Variants in YME1L1 observed in about 807,000 individuals in gnomAD.
YME1L1 encodes the protein YME1 like 1 ATPase, also known as ATP-dependent zinc metalloprotease YME1L1.
YME1L1 carries 39 observed loss-of-function variants against 90.4 expected under a neutral mutation model. The observed-to-expected ratio is 0.43, with a 90% CI of 0.33 to 0.56. The LOEUF is 0.56. Ranked by LOEUF, YME1L1 falls within the 20% of genes least tolerant of loss-of-function variation. YME1L1 has a pLI of 0.03. For missense variants in YME1L1, 617 were observed against 868.4 expected, an observed-to-expected ratio of 0.71 and a Z score of 3.64; for synonymous variants, 284 against 287.3, an observed-to-expected ratio of 0.99 and a Z score of 0.12.
chr10:27,150,672 G>A (rs2057202358), intron 1 of YME1L1, among the ~76,000 whole-genome samples: 2 of 152,148 alleles, frequency 1.3e-5, no homozygotes, highest in African/African-American at 4.8e-5. Context: ...GACCATGACA[G>A]TTTAAAAATG....
chr10:27,145,108 T>C (rs1380656658), intron 3 of YME1L1, among the ~76,000 whole-genome samples: 1 of 152,136 alleles, frequency 6.6e-6, no homozygotes, highest in Non-Finnish European at 1.5e-5. Context: ...GCCACTGCAC[T>C]CCAGCCTGGC....
rs150810804 is a variant in YME1L1 at position 27,116,340 on chromosome 10, G to C, written c.1725C>G (p.Ser575=). Residue 575 remains serine (S), a synonymous_variant, in exon 16 of 19, where the codon TCC becomes TCG. Transcript: ENST00000376016. ...MPRGPTLGHV[S]LLPENDRWNE... is the part of the protein sequence containing the mutation. ...TCCATCTGTCATTCTCAGGTAACAGGGACACCTAGACAATTAAAAATTAAT... is the reference window on the plus strand; with the variant it reads ...TCCATCTGTCATTCTCAGGTAACAGCGACACCTAGACAATTAAAAATTAAT... The C allele has an allele frequency of 2.1e-4, 333 of 1,613,714 alleles. 1 individual carries two copies. The highest frequency in any genetic ancestry group is 7.2e-5 in the Non-Finnish European group (85 of 1,179,986).
rs970018882 is a variant in YME1L1, at chr10:27,110,537, A to G, written c.*1440T>C. 2.6e-5 allele frequency: 4 copies of G among 152,192 alleles called. No homozygotes were observed. Among genetic ancestry groups the G allele is most frequent in the African/African-American group, 9.6e-5 (4 of 41,462 alleles). 9.4% of individuals were successfully genotyped at this position (152,192 alleles called of 1,614,324 possible). A position where few individuals can be genotyped will look rare whatever the true frequency, so the allele number is the denominator to read the frequency against. The stretch of plus-strand genomic sequence containing the variant: ...TAATACCAATACAATGTGTTCTAAA[A>G]TAATTTTTCTATTGAGTTAAATATT... On this transcript the variant is annotated 3_prime_UTR_variant, in exon 19 of 19. Transcript: ENST00000376016.
At chr10:27,127,639 G>A (rs2056934271) in intron 8 of YME1L1, among the ~76,000 whole-genome samples, 1 of 152,132 alleles carries the variant, frequency 6.6e-6, no homozygotes, top group South Asian at 2.1e-4. Flanking sequence ...TATTCTATAT[G>A]GATTACATTT....
Position 27,121,411 on chromosome 10 carries a change from T to C in YME1L1, c.1273A>G (p.Thr425Ala). The C allele has an allele frequency of 6.2e-6, 10 of 1,607,578 alleles. No individual in the cohort carries two copies. The highest frequency in any genetic ancestry group is 8.5e-6 in the Non-Finnish European group (10 of 1,174,262). Reference protein sequence around the residue: ...PNEGVIIIGATNFPEALDNAL... With the variant: ...PNEGVIIIGAANFPEALDNAL... ...TTATCTAATGCCTCTGGGAAGTTTG[T>C]GGCTCCTATTATGATAACTCCTTCA... The change falls in exon 12 of 19, where the codon ACA becomes GCA. Residue 425 changes from threonine to alanine, a missense_variant. Transcript: ENST00000376016.
chr10:27,132,948 G>A (rs1262147679), intron 7 of YME1L1, among the ~76,000 whole-genome samples: 2 of 152,086 alleles, frequency 1.3e-5, no homozygotes, highest in Admixed American at 6.5e-5. Flanking sequence ...TTAAATCAAA[G>A]TTTCTCAAAC....
intron 1 of YME1L1, among the ~76,000 whole-genome samples, chr10:27,151,211 C>T (rs556094585): frequency 1.3e-5 from 2 of 152,216 alleles, no homozygotes; most frequent in African/African-American, 4.8e-5. Context: ...CGTGAGTCCC[C>T]GCGCCTGGCG....
chr10:27,152,201 C>T (rs558886293), intron 1 of YME1L1, among the ~76,000 whole-genome samples: 432 of 152,248 alleles, frequency 2.8e-3, no homozygotes, highest in Non-Finnish European at 3.4e-3. Flanking sequence ...TACATATTTT[C>T]TACCTCTTTG....
At chr10:27,148,006 G>A (rs1216538144) in intron 2 of YME1L1, among the ~76,000 whole-genome samples, 1 of 152,134 alleles carries the variant, frequency 6.6e-6, no homozygotes, top group African/African-American at 2.4e-5. Context: ...AACAATGTCA[G>A]GATCTCAGCC....
In YME1L1 at chr10:27,134,811, A is replaced by C; in HGVS notation, c.691+20T>G. ...TTTCAGTTACTCTTCTCAAACACGG[A>C]TGGTGTCAATTCAACTTACCATTGG... On this transcript the variant is annotated intron_variant, in intron 6 of 18. Transcript: ENST00000376016. 1.2e-6 allele frequency: 2 copies of C among 1,611,770 alleles called. No individual in the cohort carries two copies. The highest frequency in any genetic ancestry group is 1.7e-6 in the Non-Finnish European group (2 of 1,178,154).
chr10:27,131,907 T>C lies in YME1L1; in HGVS notation c.810A>G (p.Ala270=), dbSNP rs200825759. ...RFRTTTGLDS[A]VDPVQMKNVT... Reference sequence around the variant, plus strand: ...CATTTTTCATCTGGACAGGATCTACTGCAGAATCAAGCCCTGTTGTTGTCC... The same window carrying C: ...CATTTTTCATCTGGACAGGATCTACCGCAGAATCAAGCCCTGTTGTTGTCC... Residue 270 remains alanine (A), a synonymous_variant, in exon 8 of 19, where the codon GCA becomes GCG. Coordinates refer to ENST00000376016, the MANE Select transcript of YME1L1 (RefSeq NM_014263.4). The C allele has an allele frequency of 1.9e-6, 3 of 1,613,388 alleles. No homozygotes were observed. In the East Asian group the frequency reaches 6.7e-5, roughly 36 times the overall value.
chr10:27,131,857 A>G lies in YME1L1; in HGVS notation c.858+2T>C. 1 of 1,605,350 alleles carries G rather than the reference A, an allele frequency of 6.2e-7. No homozygotes were observed. On this transcript the variant is annotated splice_donor_variant, in intron 8 of 18. Transcript: ENST00000376016. LOFTEE classifies it high-confidence loss of function. ...GAAGGCAAGGCAATCTTCTTAACTT[A>G]CCCCTTTAACATGTTCAAAGGTGAC... is the stretch of plus-strand genomic sequence containing the variant.
chr10:27,122,909 C>T lies in YME1L1; in HGVS notation c.1167G>A (p.Lys389=). The stretch of plus-strand genomic sequence containing the variant: ...ATGGATGCATTGGAGATTCAATTCT[C>T]TTCCCACCAACAGAATCTAATTCAT... ...FIDELDSVGG[K]RIESPMHPYS... Residue 389 remains lysine, a synonymous_variant, in exon 11 of 19, where the codon AAG becomes AAA. Coordinates refer to ENST00000376016, the MANE Select transcript of YME1L1 (RefSeq NM_014263.4). The T allele has an allele frequency of 6.2e-7, 1 of 1,613,534 alleles. No individual in the cohort carries two copies. Among genetic ancestry groups the T allele is most frequent in the Non-Finnish European group, 8.5e-7 (1 of 1,179,744 alleles).
At chr10:27,132,773 T>G (rs770636888) in intron 7 of YME1L1, among the ~76,000 whole-genome samples, 4 of 151,900 alleles carry the variant, frequency 2.6e-5, no homozygotes, top group Non-Finnish European at 4.4e-5. Flanking sequence ...CGAGCCAAGA[T>G]TGCCCCACTG....
intron 18 of YME1L1, among the ~76,000 whole-genome samples, chr10:27,113,928 T>C (rs1479197348): frequency 6.7e-6 from 1 of 150,134 alleles, no homozygotes; most frequent in African/African-American, 2.4e-5. Flanking sequence ...CACTCTAGCC[T>C]GGGCAGCAGA....
intron 8 of YME1L1, 109 bp downstream of exon 8, chr10:27,131,750 G>T: frequency 1.3e-6 from 1 of 752,474 alleles, no homozygotes; most frequent in Non-Finnish European, 2.1e-6. Flanking sequence ...TAATACTTTT[G>T]GACACAATTT....
intron 18 of YME1L1, among the ~76,000 whole-genome samples, chr10:27,114,282 C>T (rs1157647330): frequency 1.3e-5 from 2 of 152,120 alleles, no homozygotes; most frequent in East Asian, 1.9e-4. Flanking sequence ...CTGTTCTTAG[C>T]CCGTGTCCAG....
intron 9 of YME1L1, among the ~76,000 whole-genome samples, chr10:27,124,854 T>C (rs887493772): frequency 1.3e-5 from 2 of 152,208 alleles, no homozygotes; most frequent in Admixed American, 1.3e-4. Context: ...TGTATTGAGA[T>C]TGTGCTCTTT....
chr10:27,123,290 A>G (rs1588589430), intron 10 of YME1L1, among the ~76,000 whole-genome samples: 1 of 152,088 alleles, frequency 6.6e-6, no homozygotes, highest in South Asian at 2.1e-4. Context: ...AAAAACACTA[A>G]GAGATTTTTG....
Sources: allele counts gnomAD v4.1 joint callset (sites outside exome capture counted in the v4.1 genomes callset), GRCh38; gene constraint gnomAD v4.1.1; transcripts MANE v1.5; gene names NCBI Gene and HGNC (gene_info 2026-07-23, HGNC 2026-07-21).